The following THSD4 variants were observed in gnomAD, a reference collection of about 807,000 sequenced individuals.
The protein encoded by THSD4 is thrombospondin type-1 domain-containing protein 4.
Under a neutral mutation model 119.0 loss-of-function variants are expected in THSD4, and 69 were observed. The observed-to-expected ratio is 0.58, with a 90% CI of 0.48 to 0.71. THSD4 has a LOEUF of 0.71. THSD4 is among the 30% of genes least tolerant of loss of function. The probability of loss-of-function intolerance (pLI) is 0.00; values close to 1 mark genes in which losing one functional copy is unlikely to be tolerated. For missense variants in THSD4, 1,393 were observed against 1,391.1 expected, an observed-to-expected ratio of 1.00 and a Z score of -0.02; for synonymous variants, 524 against 540.4, an observed-to-expected ratio of 0.97 and a Z score of 0.42.
At chr15:71,737,617 T>C (rs2053138939) in intron 10 of THSD4, 115 bp from the exon 11 acceptor site, 2 of 1,385,706 alleles carry the variant, frequency 1.4e-6, no homozygotes, top group Non-Finnish European at 1.9e-6. Context: ...GCTTATGTGC[T>C]GTGACTTAGA....
At chr15:71,776,274 A>G (rs560187577) in intron 17 of THSD4, among the ~76,000 whole-genome samples, 1 of 152,352 alleles carries the variant, frequency 6.6e-6, no homozygotes, top group African/African-American at 2.4e-5. Context: ...ACCAGAAGCA[A>G]AGTGATCAGA....
At chr15:71,656,745 A>G (rs1019951039) in intron 7 of THSD4, among the ~76,000 whole-genome samples, 5 of 152,222 alleles carry the variant, frequency 3.3e-5, no homozygotes, top group African/African-American at 1.2e-4. Flanking sequence ...ATCTATTATT[A>G]GCATTTTAGC....
At chr15:71,661,386 A>G (rs1332903086) in intron 8 of THSD4, among the ~76,000 whole-genome samples, 1 of 149,890 alleles carries the variant, frequency 6.7e-6, no homozygotes, top group Non-Finnish European at 1.5e-5. Flanking sequence ...AATCGAACAC[A>G]TTATTTATTT....
chr15:71,299,720 T>C (rs1483468125), intron 6 of THSD4, among the ~76,000 whole-genome samples: 1 of 152,142 alleles, frequency 6.6e-6, no homozygotes, highest in Non-Finnish European at 1.5e-5. Flanking sequence ...ATGATAAGTA[T>C]CTTAGGTGAT....
At chr15:71,716,561 GGT>G (rs57999390) in intron 8 of THSD4, among the ~76,000 whole-genome samples, 27 of 144,504 alleles carry the variant, frequency 1.9e-4, no homozygotes, top group Admixed American at 3.5e-4. Context: ...TAGAGTGTGG[GGT>G]GTGTGTGTGT....
intron 6 of THSD4, among the ~76,000 whole-genome samples, chr15:71,339,816 G>A (rs2045540174): frequency 6.6e-6 from 1 of 151,984 alleles, no homozygotes; most frequent in South Asian, 2.1e-4. Flanking sequence ...CCAGGCTAGA[G>A]TGCAGTGGCG....
intron 7 of THSD4, among the ~76,000 whole-genome samples, chr15:71,539,770 T>C (rs577675031): frequency 6.6e-6 from 1 of 152,370 alleles, no homozygotes; most frequent in East Asian, 1.9e-4. Flanking sequence ...TAGAGTTTGC[T>C]ATAAAGCCCT....
At chr15:71,506,759 G>T (rs377512084) in intron 7 of THSD4, among the ~76,000 whole-genome samples, 1 of 152,204 alleles carries the variant, frequency 6.6e-6, no homozygotes. Flanking sequence ...CAAGGCTACT[G>T]CCATGGCAGG....
At chr15:71,310,885 T>C (rs1228395823) in intron 6 of THSD4, among the ~76,000 whole-genome samples, 1 of 152,194 alleles carries the variant, frequency 6.6e-6, no homozygotes, top group East Asian at 1.9e-4. Flanking sequence ...GAAAACCTTT[T>C]ACTTCTGAGG....
chr15:71,296,749 A>G (rs1356289715), intron 6 of THSD4, among the ~76,000 whole-genome samples: 1 of 152,224 alleles, frequency 6.6e-6, no homozygotes, highest in African/African-American at 2.4e-5. Context: ...GTGCATCTGA[A>G]AACGTCGTAT....
chr15:71,173,573 T>C (rs376752105), intron 3 of THSD4, among the ~76,000 whole-genome samples: 8,351 of 139,420 alleles, frequency 0.06, 311 homozygotes, highest in Non-Finnish European at 0.084. Context: ...CACACATATA[T>C]ATATATATAT....
In THSD4 at chr15:71,398,037, A is replaced by T. The variant is rs1468615397; in HGVS notation, c.1016-13650A>T. Reference sequence around the variant, plus strand: ...GGGTGTCAGTTTTCTACTGTGTAGTATGAAAGGATTGGGTGGGGTCTTTCC... The same window carrying T: ...GGGTGTCAGTTTTCTACTGTGTAGTTTGAAAGGATTGGGTGGGGTCTTTCC... On this transcript the variant is annotated intron_variant, in intron 6 of 17. Transcript: ENST00000261862. Among the ~76,000 whole-genome samples, 3 of 152,220 alleles carry T rather than the reference A, an allele frequency of 2.0e-5. No individual in the cohort carries two copies. In the East Asian group the frequency reaches 5.8e-4, roughly 29 times the overall value.
chr15:71,682,529 T>G (rs1308078164), intron 8 of THSD4, among the ~76,000 whole-genome samples: 1 of 151,314 alleles, frequency 6.6e-6, no homozygotes, highest in Admixed American at 6.6e-5. Flanking sequence ...TAGAAAAACC[T>G]TATATAAATG....
intron 1 of THSD4, among the ~76,000 whole-genome samples, chr15:71,107,121 A>G (rs1166509008): frequency 1.3e-5 from 2 of 152,208 alleles, no homozygotes; most frequent in Admixed American, 1.3e-4. Flanking sequence ...CCAAGTGCAC[A>G]TTTGTTTAAC....
chr15:71,542,759 C>T (rs1319526070), intron 7 of THSD4, among the ~76,000 whole-genome samples: 2 of 151,926 alleles, frequency 1.3e-5, no homozygotes, highest in African/African-American at 4.8e-5. Context: ...CACTTGTAGT[C>T]CCAGCTACTC....
chr15:71,644,889 T>C (rs2050936777), intron 7 of THSD4, among the ~76,000 whole-genome samples: 1 of 150,964 alleles, frequency 6.6e-6, no homozygotes. Context: ...CCTTGGTTAG[T>C]TCATGGAATC....
rs1011693444 is a variant in THSD4 at position 71,394,525 on chromosome 15, C to G, written c.1016-17162C>G. The stretch of plus-strand genomic sequence containing the variant: ...TGACTTGGTGATCCACCCGCCTCAG[C>G]CTCCCAAAGTGCTGGGATTACAGGC... On this transcript the variant is annotated intron_variant, in intron 6 of 17. Coordinates refer to ENST00000261862, the MANE Select transcript of THSD4 (RefSeq NM_024817.3). Among the ~76,000 whole-genome samples the G allele has an allele frequency of 3.1e-4, 47 of 152,318 alleles. 1 individual carries two copies. The highest frequency in any genetic ancestry group is 2.7e-3 in the Admixed American group (42 of 15,308).
intron 8 of THSD4, among the ~76,000 whole-genome samples, chr15:71,668,233 C>T (rs905539143): frequency 5.9e-5 from 9 of 152,284 alleles, no homozygotes; most frequent in Non-Finnish European, 1.3e-4. Flanking sequence ...CAAAATGATA[C>T]TAAAGCGATT....
intron 7 of THSD4, among the ~76,000 whole-genome samples, chr15:71,446,260 A>G (rs1432437664): frequency 2.6e-5 from 4 of 152,088 alleles, no homozygotes; most frequent in African/African-American, 9.7e-5. Flanking sequence ...AACCTTCATC[A>G]TTAGTTGTGT....
Sources: gnomAD v4.1 joint callset for allele counts (sites outside exome capture counted in the v4.1 genomes callset) on GRCh38, gnomAD v4.1.1 for gene constraint, MANE v1.5 for transcripts, NCBI Gene and HGNC (gene_info 2026-07-23, HGNC 2026-07-21) for gene names.